The following NCOA5 variants were observed in gnomAD, a reference collection of about 807,000 sequenced individuals.
The protein encoded by NCOA5 is nuclear receptor coactivator 5.
In NCOA5, 12 loss-of-function variants were observed where a neutral mutation model predicts 59.0. The observed-to-expected ratio is 0.20, with a 90% CI of 0.13 to 0.33. The LOEUF is 0.33. Among genes scored for constraint, NCOA5 ranks in the 10% least tolerant of loss-of-function variants. The pLI, the probability that NCOA5 is intolerant of heterozygous loss-of-function variation, is 1.00. For synonymous variants in NCOA5, 270 were observed against 275.5 expected, an observed-to-expected ratio of 0.98 and a Z score of 0.20; for missense variants, 655 against 766.6, an observed-to-expected ratio of 0.85 and a Z score of 1.72.
At position 46,062,189 on chromosome 20, in the gene NCOA5, C is replaced by T. The variant is rs1046728254; in HGVS notation, c.*111G>A. The stretch of plus-strand genomic sequence containing the variant: ...GCAGGTGGTAGAAATTGATGACACT[C>T]GATGCCGGCCTGGGAGCGCAGAGAA... On this transcript the variant is annotated 3_prime_UTR_variant, in exon 8 of 8. Transcript: ENST00000290231. The T allele has an allele frequency of 4.5e-5, 36 of 793,572 alleles. No homozygotes were observed. Among genetic ancestry groups the T allele is most frequent in the East Asian group, 3.0e-4 (11 of 37,202 alleles). The allele number at this position is 793,572 out of a possible 1,614,324, so 49.2% of individuals were successfully genotyped here.
intron 1 of NCOA5, among the ~76,000 whole-genome samples, chr20:46,083,770 T>C (rs1346346450): frequency 6.6e-6 from 1 of 152,182 alleles, no homozygotes; most frequent in Non-Finnish European, 1.5e-5. Context: ...ACAGAGAATA[T>C]CACACATTAA....
At chr20:46,075,279 G>A (rs1309667996) in intron 2 of NCOA5, among the ~76,000 whole-genome samples, 2 of 152,198 alleles carry the variant, frequency 1.3e-5, no homozygotes, top group Non-Finnish European at 2.9e-5. Flanking sequence ...TATTGGTAGA[G>A]GTGGCAGCTG....
intron 1 of NCOA5, among the ~76,000 whole-genome samples, chr20:46,086,052 T>TG: frequency 6.6e-6 from 1 of 152,042 alleles, no homozygotes; most frequent in East Asian, 1.9e-4. Flanking sequence ...CCCTGGCTAA[T>TG]TTTTTTTGTA....
chr20:46,069,437 A>C (rs1372098733), intron 3 of NCOA5, among the ~76,000 whole-genome samples: 2 of 152,214 alleles, frequency 1.3e-5, no homozygotes, highest in Non-Finnish European at 2.9e-5. Context: ...CATTATATGA[A>C]TACACCACTT....
intron 3 of NCOA5, 132 bp downstream of exon 3, chr20:46,070,078 C>T (rs1302473636): frequency 1.4e-6 from 1 of 691,036 alleles, no homozygotes. Context: ...AGCAGCAGCA[C>T]ATCTATCACT....
intron 2 of NCOA5, among the ~76,000 whole-genome samples, chr20:46,078,258 A>G (rs1176255665): frequency 6.6e-6 from 1 of 152,230 alleles, no homozygotes; most frequent in African/African-American, 2.4e-5. Context: ...TTCACATCCA[A>G]GTAGGAGTAT....
At position 46,063,489 on chromosome 20, in the gene NCOA5, C is replaced by T. The variant is rs748561923; in HGVS notation, c.1021G>A (p.Ala341Thr). The change falls in exon 7 of 8, where the codon GCC becomes ACC. Residue 341 changes from alanine (A) to threonine (T), a missense_variant. Physicochemically the swap from Ala to Thr is moderately conservative, Grantham distance 58. Coordinates refer to ENST00000290231, the MANE Select transcript of NCOA5 (RefSeq NM_020967.3). Reference sequence around the variant, plus strand: ...AGCAGGTTGATGAGGCTCTGGATGGCTGGAGGGTGGCCCCCACGCACTCCC... The same window carrying T: ...AGCAGGTTGATGAGGCTCTGGATGGTTGGAGGGTGGCCCCCACGCACTCCC... ...EEGVRGGHPP[A>T]IQSLINLLAD... The T allele has an allele frequency of 2.5e-6, 4 of 1,614,090 alleles. No individual in the cohort carries two copies. In the East Asian group the frequency reaches 8.9e-5, roughly 36 times the overall value.
intron 1 of NCOA5, among the ~76,000 whole-genome samples, chr20:46,082,236 A>G (rs1162074433): frequency 6.6e-6 from 1 of 152,122 alleles, no homozygotes; most frequent in East Asian, 1.9e-4. Context: ...ATTCCCAAAG[A>G]AAGACACAGT....
In NCOA5 at chr20:46,070,359, G is replaced by C. The variant is rs1181153316; in HGVS notation, c.216C>G (p.His72Gln). The change falls in exon 3 of 8, where the codon CAC (histidine) becomes CAG (glutamine). Residue 72 changes from histidine (H) to glutamine (Q), a missense_variant. Physicochemically the swap from His to Gln is conservative, Grantham distance 24. Transcript: ENST00000290231. ...DHRHSRDLRDHRDSRSVRDVR... is the reference protein window; with the variant it reads ...DHRHSRDLRDQRDSRSVRDVR... ...CGTCGCGCACACTCCTGCTGTCTCT[G>C]TGATCCCGCAAATCTCTACTATGTC... The C allele has an allele frequency of 6.2e-7, 1 of 1,613,460 alleles. No homozygotes were observed. The highest frequency in any genetic ancestry group is 1.1e-5 in the South Asian group (1 of 91,020).
intron 4 of NCOA5, among the ~76,000 whole-genome samples, chr20:46,068,120 G>A (rs2084843387): frequency 6.6e-6 from 1 of 152,004 alleles, no homozygotes; most frequent in Non-Finnish European, 1.5e-5. Flanking sequence ...TTTTTGTAGA[G>A]ATGGGGTTTT....
Position 46,061,924 on chromosome 20 carries a change from A to G in NCOA5, c.*376T>C, listed in dbSNP as rs112994889. On this transcript the variant is annotated 3_prime_UTR_variant, in exon 8 of 8. Transcript: ENST00000290231. ...GCTGGAAAGCCTTGGTAGGTTCACA[A>G]TGAACAAAGGTGGTGGCTACTGACA... 3.4e-5 allele frequency: 6 copies of G among 175,022 alleles called. No individual in the cohort carries two copies. The highest frequency in any genetic ancestry group is 6.2e-5 in the Non-Finnish European group (5 of 81,090). The allele number at this position is 175,022 out of a possible 1,614,324, so 10.8% of individuals were successfully genotyped here.
chr20:46,063,674 C>T lies in NCOA5; in HGVS notation c.836G>A (p.Arg279His), dbSNP rs1395860991. Reference protein sequence around the residue: ...NIMFGTPQEHRNMPQADAMVL... With the variant: ...NIMFGTPQEHHNMPQADAMVL... ...CATGGCATCTGCTTGGGGCATGTTG[C>T]GATGCTCTGTAGGAGGAAATGACAT... Residue 279 changes from arginine to histidine, a missense_variant, in exon 7 of 8, where the codon CGC (arginine) becomes CAC (histidine). This residue lies in a region of NCOA5 where 80 missense variants were observed against 153.3 expected (regional missense o/e 0.52). Coordinates refer to ENST00000290231, the MANE Select transcript of NCOA5 (RefSeq NM_020967.3). 6 of 1,613,274 alleles carry T rather than the reference C, an allele frequency of 3.7e-6. No individual in the cohort carries two copies. The highest frequency in any genetic ancestry group is 2.2e-5 in the South Asian group (2 of 91,046).
chr20:46,087,756 A>C lies in NCOA5; in HGVS notation c.-30+2061T>G, dbSNP rs141684569. On this transcript the variant is annotated intron_variant, in intron 1 of 7. Transcript: ENST00000290231. ...AAGCTCTGTCTCAGAAAAAACAAAA[A>C]CAAAACCAAAACAAACAAGTTGTTT... Among the ~76,000 whole-genome samples, 652 of 152,312 alleles carry C rather than the reference A, an allele frequency of 4.3e-3. 5 individuals carry two copies. Among genetic ancestry groups the C allele is most frequent in the African/African-American group, 0.015 (611 of 41,554 alleles).
chr20:46,062,808 C>A lies in NCOA5; in HGVS notation c.1232G>T (p.Gly411Val). Residue 411 changes from glycine (G) to valine (V), a missense_variant, in exon 8 of 8, where the codon GGC (glycine) becomes GTC (valine). By Grantham distance (109) the Gly-to-Val change is moderately radical (BLOSUM62 -3). This residue lies in a region of NCOA5 where 325 missense variants were observed against 353.2 expected (regional missense o/e 0.92). Coordinates refer to ENST00000290231, the MANE Select transcript of NCOA5 (RefSeq NM_020967.3). ...TQPSSQPLQSGQVLPSATPTP... is the reference protein window; with the variant it reads ...TQPSSQPLQSVQVLPSATPTP... ...GGGTGTAGCAGAGGGGAGCACTTGG[C>A]CGCTCTGGAGCGGTTGGGAGCTTGG... The A allele has an allele frequency of 1.9e-6, 3 of 1,570,340 alleles. No homozygotes were observed. Among genetic ancestry groups the A allele is most frequent in the Non-Finnish European group, 8.6e-7 (1 of 1,156,552 alleles).
rs951746751 is a variant in NCOA5 at position 46,062,207 on chromosome 20, G to A, written c.*93C>T. Reference sequence around the variant, plus strand: ...TGACACTCGATGCCGGCCTGGGAGCGCAGAGAACATCCTCCAAACAGCTCT... The same window carrying A: ...TGACACTCGATGCCGGCCTGGGAGCACAGAGAACATCCTCCAAACAGCTCT... On this transcript the variant is annotated 3_prime_UTR_variant, in exon 8 of 8. Coordinates refer to ENST00000290231, the MANE Select transcript of NCOA5 (RefSeq NM_020967.3). 1.3e-4 allele frequency: 126 copies of A among 943,210 alleles called. No individual in the cohort carries two copies. Among genetic ancestry groups the A allele is most frequent in the Non-Finnish European group, 1.7e-4 (108 of 640,896 alleles). The allele number at this position is 943,210 out of a possible 1,614,324, so 58.4% of individuals were successfully genotyped here.
In NCOA5 at chr20:46,068,583, C is replaced by T. The variant is rs1231896898; in HGVS notation, c.421G>A (p.Asp141Asn). The T allele has an allele frequency of 3.1e-6, 5 of 1,613,698 alleles. No individual in the cohort carries two copies. Among genetic ancestry groups the T allele is most frequent in the South Asian group, 1.1e-5 (1 of 90,946 alleles). The change falls in exon 4 of 8, where the codon GAT (aspartate) becomes AAT (asparagine). Residue 141 changes from aspartate to asparagine, a missense_variant. Transcript: ENST00000290231. The stretch of plus-strand genomic sequence containing the variant: ...CTGTAACGGTCAAAATAAGAGTCAT[C>T]CTTTCTCCTGCAATAGTCATCCATT... ...LRMDDYCRRK[D>N]DSYFDRYRDS...
intron 1 of NCOA5, among the ~76,000 whole-genome samples, chr20:46,086,157 T>G (rs2085043280): frequency 6.6e-6 from 1 of 152,116 alleles, no homozygotes; most frequent in Non-Finnish European, 1.5e-5. Flanking sequence ...GGATTACAGG[T>G]GTGAGCCACT....
At chr20:46,068,747 C>A in intron 3 of NCOA5, 109 bp from the exon 4 acceptor site, 1 of 1,009,454 alleles carries the variant, frequency 9.9e-7, no homozygotes, top group Non-Finnish European at 1.4e-6. Flanking sequence ...CTGGGACTCA[C>A]TGCATTATCA....
At position 46,063,624 on chromosome 20, in the gene NCOA5, G is replaced by A. The variant is rs780134078; in HGVS notation, c.886C>T (p.Arg296Cys). Residue 296 changes from arginine to cysteine, a missense_variant, in exon 7 of 8, where the codon CGT becomes TGT. Physicochemically the swap from Arg to Cys is radical, Grantham distance 180. Around this residue, in one of 3 missense-constraint regions of NCOA5, gnomAD observed 80 missense variants for 153.3 expected, o/e 0.52. Transcript: ENST00000290231. ...AMVLVARNYE[R>C]YKNECREKER... ...TTCTCCCGGCACTCATTCTTGTAACGCTCATAATTTCTGGCCACCAGCACC... is the reference window on the plus strand; with the variant it reads ...TTCTCCCGGCACTCATTCTTGTAACACTCATAATTTCTGGCCACCAGCACC... 4.3e-5 allele frequency: 69 copies of A among 1,613,934 alleles called. No individual in the cohort carries two copies. The highest frequency in any genetic ancestry group is 5.5e-5 in the Non-Finnish European group (65 of 1,180,050).
Sources: gnomAD v4.1 joint callset for allele counts (sites outside exome capture counted in the v4.1 genomes callset) on GRCh38, gnomAD v4.1.1 for gene constraint, gnomAD v4.1.1 regional missense constraint, MANE v1.5 for transcripts, NCBI Gene and HGNC (gene_info 2026-07-23, HGNC 2026-07-21) for gene names.